Variants in CYTH1 observed in about 807,000 individuals in gnomAD.
The protein encoded by CYTH1 is cytohesin-1.
In CYTH1, 18 loss-of-function variants were observed where a neutral mutation model predicts 61.8. The ratio of observed to expected loss-of-function variants is 0.29; its 90% CI spans 0.20 to 0.43. The LOEUF is 0.43. Ranked by LOEUF, CYTH1 falls within the 20% of genes least tolerant of loss-of-function variation. The pLI is 1.00. For synonymous variants in CYTH1, 174 were observed against 184.3 expected (o/e 0.94, Z 0.45); for missense variants, 336 against 510.5 (o/e 0.66, Z 3.29).
rs189874522 is a variant in CYTH1 at position 78,757,020 on chromosome 17, G to A, written c.22+25182C>T. 8.5e-3 allele frequency among the ~76,000 whole-genome samples: 1,077 copies of A among 127,160 alleles called. 9 individuals carry two copies. Among genetic ancestry groups the A allele is most frequent in the Non-Finnish European group, 0.013 (813 of 63,806 alleles). 83.4% of individuals were successfully genotyped at this position (127,160 alleles called of 152,430 possible). A position where few individuals can be genotyped will look rare whatever the true frequency, so the allele number is the denominator to read the frequency against. On this transcript the variant is annotated intron_variant, in intron 1 of 13. Coordinates refer to ENST00000446868, the MANE Select transcript of CYTH1 (RefSeq NM_004762.6). ...TTTTTTTTTTTTGAGATGGAGTCTC[G>A]CTCTGTCGCCCAGGCTTCCTGGGTT...
Position 78,696,125 on chromosome 17 carries a change from T to C in CYTH1, c.812-116A>G. The C allele has an allele frequency of 9.2e-6, 12 of 1,307,732 alleles. No individual in the cohort carries two copies. The South Asian group carries it at 1.3e-4, about 15-fold the overall frequency. The allele number at this position is 1,307,732 out of a possible 1,614,324, so 81.0% of individuals were successfully genotyped here. ...GATTCCTTAATCTTAAAGTGCAATG[T>C]ATCAGTCACATTCATGCCTGCCTGG... On this transcript the variant is annotated intron_variant, in intron 9 of 13. Transcript: ENST00000446868.
At position 78,698,790 on chromosome 17, in the gene CYTH1, C is replaced by A. The variant is rs759970244; in HGVS notation, c.699+30G>T. On this transcript the variant is annotated intron_variant, in intron 8 of 13. Transcript: ENST00000446868. The stretch of plus-strand genomic sequence containing the variant: ...CTGTTCCCAGTGAACTCTTTCTTGA[C>A]TTGAATGAAGACCATTCTTCCTTGC... 4 of 1,542,738 alleles carry A rather than the reference C, an allele frequency of 2.6e-6. No homozygotes were observed. The East Asian group carries it at 7.2e-5, about 28-fold the overall frequency.
chr17:78,732,870 C>T (rs368700393), intron 1 of CYTH1, among the ~76,000 whole-genome samples: 18 of 151,992 alleles, frequency 1.2e-4, no homozygotes, highest in African/African-American at 3.6e-4. Flanking sequence ...AGGTAGATCA[C>T]GAGGTCAAGA....
intron 1 of CYTH1, among the ~76,000 whole-genome samples, chr17:78,738,085 G>A (rs1466734456): frequency 6.6e-6 from 1 of 152,044 alleles, no homozygotes; most frequent in Non-Finnish European, 1.5e-5. Context: ...GTGTGCACAC[G>A]TTTCGGCACA....
At chr17:78,749,968 C>T (rs1365525955) in intron 1 of CYTH1, among the ~76,000 whole-genome samples, 1 of 152,122 alleles carries the variant, frequency 6.6e-6, no homozygotes, top group Non-Finnish European at 1.5e-5. Flanking sequence ...ACTTATTCCA[C>T]AAAATATTTC....
At chr17:78,780,429 T>C (rs566626835) in intron 1 of CYTH1, among the ~76,000 whole-genome samples, 1 of 152,220 alleles carries the variant, frequency 6.6e-6, no homozygotes, top group East Asian at 1.9e-4. Context: ...GGTGAGAGGA[T>C]TGCTTGAGCC....
intron 1 of CYTH1, among the ~76,000 whole-genome samples, chr17:78,769,236 C>T (rs1290369884): frequency 1.3e-5 from 2 of 151,984 alleles, no homozygotes; most frequent in Admixed American, 6.6e-5. Flanking sequence ...TCCTGTGTAA[C>T]AACACATACT....
At chr17:78,676,412 AC>A in intron 13 of CYTH1, 1 of 537,326 alleles carries the variant, frequency 1.9e-6, no homozygotes, top group Non-Finnish European at 3.3e-6. Flanking sequence ...ACCTGTTTCA[AC>A]ATAATAATCA....
intron 1 of CYTH1, among the ~76,000 whole-genome samples, chr17:78,712,679 T>A (rs890350202): frequency 6.6e-6 from 1 of 151,526 alleles, no homozygotes; most frequent in African/African-American, 2.4e-5. Flanking sequence ...AATAATAATA[T>A]AAAAAATAAA....
chr17:78,771,019 T>C (rs1292125734), intron 1 of CYTH1, among the ~76,000 whole-genome samples: 4 of 152,106 alleles, frequency 2.6e-5, no homozygotes, highest in Non-Finnish European at 5.9e-5. Context: ...TCCCAGCACT[T>C]TGGGAGGCCG....
chr17:78,676,544 C>T (rs577744331), intron 13 of CYTH1: 5 of 282,494 alleles, frequency 1.8e-5, no homozygotes, highest in Admixed American at 5.0e-5. Flanking sequence ...GCGAGTGCCA[C>T]GTAATCAAGC....
intron 11 of CYTH1, among the ~76,000 whole-genome samples, chr17:78,683,566 G>C (rs896910297): frequency 1.3e-5 from 2 of 152,196 alleles, no homozygotes; most frequent in Non-Finnish European, 2.9e-5. Flanking sequence ...AGCTGAGTGA[G>C]GAGAAGCTGG....
chr17:78,747,566 T>C (rs1047098991), intron 1 of CYTH1, among the ~76,000 whole-genome samples: 11 of 152,042 alleles, frequency 7.2e-5, no homozygotes, highest in Middle Eastern at 3.2e-3. Flanking sequence ...CCATACCCCA[T>C]AGGAGTCACC....
At chr17:78,762,111 G>C (rs2093431368) in intron 1 of CYTH1, among the ~76,000 whole-genome samples, 2 of 152,114 alleles carry the variant, frequency 1.3e-5, no homozygotes, top group Admixed American at 1.3e-4. Context: ...TCCTATCAAG[G>C]TCCATTGTTC....
intron 1 of CYTH1, among the ~76,000 whole-genome samples, chr17:78,769,967 T>C (rs2093463991): frequency 2.0e-5 from 3 of 151,988 alleles, no homozygotes; most frequent in South Asian, 4.2e-4. Context: ...CTGGCCAACA[T>C]GGTGAAACCC....
intron 1 of CYTH1, among the ~76,000 whole-genome samples, chr17:78,755,491 T>TAAAAAAAAAAAA (rs3073742): frequency 7.7e-6 from 1 of 129,846 alleles, no homozygotes; most frequent in African/African-American, 3.0e-5. Flanking sequence ...TGGGTTTATT[T>TAAAAAAAAAAAA]AAAAAAAAAA....
At chr17:78,760,455 A>G (rs1379602224) in intron 1 of CYTH1, among the ~76,000 whole-genome samples, 14 of 46,140 alleles carry the variant, frequency 3.0e-4, no homozygotes, top group South Asian at 5.9e-4. Flanking sequence ...ATATATATAT[A>G]CATACATATA....
chr17:78,677,141 G>A (rs908311687), intron 13 of CYTH1: 7 of 451,250 alleles, frequency 1.6e-5, no homozygotes, highest in East Asian at 7.0e-5. Flanking sequence ...AACATGTCCC[G>A]ATGGGATCTC....
intron 11 of CYTH1, among the ~76,000 whole-genome samples, chr17:78,686,503 C>T (rs1409835845): frequency 6.6e-6 from 1 of 152,070 alleles, no homozygotes; most frequent in Non-Finnish European, 1.5e-5. Flanking sequence ...CTGTGGTGGG[C>T]GGCCAGGTGT....
Sources: allele counts gnomAD v4.1 joint callset (sites outside exome capture counted in the v4.1 genomes callset), GRCh38; gene constraint gnomAD v4.1.1; transcripts MANE v1.5; gene names NCBI Gene and HGNC (gene_info 2026-07-23, HGNC 2026-07-21).